Variants in TAX1BP1 observed in about 807,000 individuals in gnomAD.
TAX1BP1 encodes tax1-binding protein 1.
In TAX1BP1, 62 loss-of-function variants were observed where a neutral mutation model predicts 97.7. The ratio of observed to expected loss-of-function variants is 0.63; its 90% CI spans 0.52 to 0.78. TAX1BP1 has a LOEUF of 0.78. TAX1BP1 is among the 30% of genes least tolerant of loss of function. The probability of loss-of-function intolerance (pLI) is 0.00; values close to 1 mark genes in which losing one functional copy is unlikely to be tolerated. For synonymous variants in TAX1BP1, 340 were observed against 304.2 expected, an observed-to-expected ratio of 1.12 and a Z score of -1.23; for missense variants, 867 against 916.1, an observed-to-expected ratio of 0.95 and a Z score of 0.69.
chr7:27,775,425 A>ACT (rs1215306759), intron 5 of TAX1BP1, among the ~76,000 whole-genome samples: 1 of 152,186 alleles, frequency 6.6e-6, no homozygotes, highest in Non-Finnish European at 1.5e-5. Flanking sequence ...AAAGTTTAGA[A>ACT]TTTTGAGTTG....
intron 1 of TAX1BP1, 104 bp from the exon 2 acceptor site, chr7:27,748,414 C>A: frequency 2.8e-6 from 2 of 725,172 alleles, no homozygotes; most frequent in Non-Finnish European, 4.0e-6. Flanking sequence ...TTAATTATGA[C>A]ATGCAAATAT....
At position 27,828,946 on chromosome 7, in the gene TAX1BP1, C is replaced by A; in HGVS notation, c.*117C>A. On this transcript the variant is annotated 3_prime_UTR_variant, in exon 17 of 17. Coordinates refer to ENST00000396319, the MANE Select transcript of TAX1BP1 (RefSeq NM_006024.7). ...ATGCTTTCATGCACCCTTTACTGCA[C>A]TTTCTGACCAGGAGCTACTTTGAGT... 1.3e-6 allele frequency: 1 copy of A among 746,830 alleles called. No individual in the cohort carries two copies. The highest frequency in any genetic ancestry group is 2.1e-6 in the Non-Finnish European group (1 of 482,096). 46.3% of individuals were successfully genotyped at this position (746,830 alleles called of 1,614,324 possible).
At chr7:27,794,515 T>G (rs1176099797) in intron 11 of TAX1BP1, 69 bp downstream of exon 11, 3 of 1,409,730 alleles carry the variant, frequency 2.1e-6, no homozygotes, top group Non-Finnish European at 2.8e-6. Context: ...CCTTCTTCCA[T>G]GTGTTAGAAT....
intron 13 of TAX1BP1, among the ~76,000 whole-genome samples, chr7:27,801,755 A>G (rs1168470908): frequency 3.9e-5 from 6 of 152,202 alleles, no homozygotes; most frequent in Non-Finnish European, 8.8e-5. Context: ...AGATCAAACA[A>G]CATATCTAAA....
At chr7:27,806,705 T>C (rs2128322107) in intron 13 of TAX1BP1, among the ~76,000 whole-genome samples, 1 of 152,276 alleles carries the variant, frequency 6.6e-6, no homozygotes, top group South Asian at 2.1e-4. Flanking sequence ...CTCATAACTC[T>C]TTGTTTTCAG....
At chr7:27,775,416 A>C (rs1266305977) in intron 5 of TAX1BP1, among the ~76,000 whole-genome samples, 1 of 152,164 alleles carries the variant, frequency 6.6e-6, no homozygotes, top group Non-Finnish European at 1.5e-5. Context: ...TAAAAGTTTA[A>C]AGTTTAGAAT....
intron 2 of TAX1BP1, among the ~76,000 whole-genome samples, chr7:27,751,119 G>A (rs1788003509): frequency 6.6e-6 from 1 of 151,960 alleles, no homozygotes; most frequent in African/African-American, 2.4e-5. Flanking sequence ...CTGCCTTTTT[G>A]CTTTGGTAAT....
At chr7:27,745,902 C>A (rs1170950245) in intron 1 of TAX1BP1, among the ~76,000 whole-genome samples, 1 of 151,830 alleles carries the variant, frequency 6.6e-6, no homozygotes, top group African/African-American at 2.4e-5. Flanking sequence ...ATAGTGTATA[C>A]TTCTTGAGTT....
chr7:27,767,769 A>C (rs1423928158), intron 4 of TAX1BP1, among the ~76,000 whole-genome samples: 1 of 152,118 alleles, frequency 6.6e-6, no homozygotes, highest in African/African-American at 2.4e-5. Flanking sequence ...ATTGAGACAT[A>C]TCTCATTCTG....
intron 2 of TAX1BP1, among the ~76,000 whole-genome samples, chr7:27,756,901 C>T (rs1214123387): frequency 6.6e-6 from 1 of 152,068 alleles, no homozygotes; most frequent in Non-Finnish European, 1.5e-5. Flanking sequence ...AGATTTGTCC[C>T]AGCATGCAGA....
chr7:27,812,763 G>A (rs1294914845), intron 13 of TAX1BP1, among the ~76,000 whole-genome samples: 9 of 151,894 alleles, frequency 5.9e-5, no homozygotes, highest in Admixed American at 5.9e-4. Flanking sequence ...TACATCTTGA[G>A]GTATTTTAAA....
chr7:27,745,114 G>A (rs1415268243), intron 1 of TAX1BP1, among the ~76,000 whole-genome samples: 1 of 152,158 alleles, frequency 6.6e-6, no homozygotes, highest in Non-Finnish European at 1.5e-5. Flanking sequence ...TGTTTGTAGA[G>A]GTGCACTTTA....
chr7:27,802,740 C>G (rs1400761685), intron 13 of TAX1BP1, among the ~76,000 whole-genome samples: 3 of 151,810 alleles, frequency 2.0e-5, no homozygotes, highest in Admixed American at 2.0e-4. Flanking sequence ...GTGATTTATT[C>G]CCGGGGGCGT....
At position 27,792,128 on chromosome 7, in the gene TAX1BP1, G is replaced by T. The variant is rs766870308; in HGVS notation, c.1161G>T (p.Thr387=). ...ATGCTGTCAACGTACGAGACAGAAC[G>T]ATGGCAGACCTGCATACTGCACGCT... ...LSDAVNVRDR[T]MADLHTARLE... The change falls in exon 9 of 17, where the codon ACG becomes ACT. Residue 387 remains threonine, a synonymous_variant. Transcript: ENST00000396319. 6.2e-7 allele frequency: 1 copy of T among 1,614,044 alleles called. No individual in the cohort carries two copies. The highest frequency in any genetic ancestry group is 8.5e-7 in the Non-Finnish European group (1 of 1,180,018).
At chr7:27,749,953 C>A (rs146522585) in intron 2 of TAX1BP1, among the ~76,000 whole-genome samples, 1 of 152,130 alleles carries the variant, frequency 6.6e-6, no homozygotes, top group African/African-American at 2.4e-5. Flanking sequence ...CCACGCCTGG[C>A]TAATTTTTAA....
chr7:27,770,379 A>G (rs184329619), intron 5 of TAX1BP1, among the ~76,000 whole-genome samples: 13 of 152,232 alleles, frequency 8.5e-5, no homozygotes, highest in South Asian at 6.2e-4. Context: ...TTCATTAGTG[A>G]TAGAAATAGA....
At chr7:27,822,545 C>CT (rs3216229) in intron 15 of TAX1BP1, among the ~76,000 whole-genome samples, 20,931 of 152,180 alleles carry the variant, frequency 0.14, 1,540 homozygotes, top group African/African-American at 0.18. Flanking sequence ...ACACTTGTTA[C>CT]TGTCTTTGTG....
intron 14 of TAX1BP1, 110 bp from the exon 15 acceptor site, chr7:27,816,780 T>C (rs1790783473): frequency 8.8e-6 from 12 of 1,366,310 alleles, no homozygotes; most frequent in Non-Finnish European, 1.2e-5. Context: ...AAACATCTAT[T>C]TTTTTCACAT....
rs963474374 is a variant in TAX1BP1 at position 27,787,350 on chromosome 7, A to G, written c.853-68A>G. On this transcript the variant is annotated intron_variant, in intron 7 of 16. Coordinates refer to ENST00000396319, the MANE Select transcript of TAX1BP1 (RefSeq NM_006024.7). ...GTCTTTGGGTTAGAAATATAATGGT[A>G]TTTTAAACTTTGACTAACTTAGGTC... 8 of 1,351,354 alleles carry G rather than the reference A, an allele frequency of 5.9e-6. No homozygotes were observed. In the Admixed American group the frequency reaches 1.9e-4, roughly 33 times the overall value. The allele number at this position is 1,351,354 out of a possible 1,614,324, so 83.7% of individuals were successfully genotyped here.
Sources: gnomAD v4.1 joint callset for allele counts (sites outside exome capture counted in the v4.1 genomes callset) on GRCh38, gnomAD v4.1.1 for gene constraint, MANE v1.5 for transcripts, NCBI Gene and HGNC (gene_info 2026-07-23, HGNC 2026-07-21) for gene names.